CCZ1: variants seen among roughly 807,000 people sequenced by gnomAD.
CCZ1 encodes CCZ1 vacuolar protein trafficking and biogenesis associated.
CCZ1 carries 19 observed loss-of-function variants against 57.8 expected under a neutral mutation model. The observed-to-expected ratio is 0.33, with a 90% CI of 0.23 to 0.48. The LOEUF is 0.48. Among genes scored for constraint, CCZ1 ranks in the 20% least tolerant of loss-of-function variants. The probability of loss-of-function intolerance (pLI) is 0.99; values close to 1 mark genes in which losing one functional copy is unlikely to be tolerated. For synonymous variants in CCZ1, 81 were observed against 167.0 expected, an observed-to-expected ratio of 0.49 and a Z score of 3.97; for missense variants, 200 against 492.0, an observed-to-expected ratio of 0.41 and a Z score of 5.61.
chr7:5,907,555 G>C (rs1781862501), intron 7 of CCZ1, among the ~76,000 whole-genome samples: 7 of 146,880 alleles, frequency 4.8e-5, no homozygotes, highest in Admixed American at 4.0e-4. Flanking sequence ...GCTTAGAGCA[G>C]AGGGTCTTCC....
chr7:5,904,078 C>T (rs1369199446), intron 6 of CCZ1, among the ~76,000 whole-genome samples: 1 of 125,226 alleles, frequency 8.0e-6, no homozygotes, highest in Non-Finnish European at 1.6e-5. Context: ...AGCATTAAGG[C>T]AGGGAGTTAA....
At chr7:5,909,037 C>A (rs1322150975) in intron 7 of CCZ1, among the ~76,000 whole-genome samples, 5 of 146,110 alleles carry the variant, frequency 3.4e-5, no homozygotes, top group Admixed American at 6.8e-5. Flanking sequence ...TAAAATGAAA[C>A]AGTGTGGCTT....
chr7:5,902,806 TAG>T, intron 6 of CCZ1, 62 bp downstream of exon 6: 1 of 1,554,630 alleles, frequency 6.4e-7, no homozygotes, highest in South Asian at 1.2e-5. Context: ...TAGAGAAATA[TAG>T]ACAGACAAGT....
At chr7:5,905,758 G>A (rs1741599458) in intron 7 of CCZ1, among the ~76,000 whole-genome samples, 1 of 85,298 alleles carries the variant, frequency 1.2e-5, no homozygotes, top group Non-Finnish European at 2.0e-5. Flanking sequence ...CCCCAGCCTG[G>A]CAACAGAGAG....
rs770191244 is a variant in CCZ1, at chr7:5,900,530, C to A, written c.276C>A (p.Phe92Leu). ...KSLHTQKNRQFFNEPEENFWM... is the reference protein window; with the variant it reads ...KSLHTQKNRQLFNEPEENFWM... The stretch of plus-strand genomic sequence containing the variant: ...TACATACACAGAAGAACAGACAGTT[C>A]TTCAATGAACCAGAAGAAAATTTCT... Residue 92 changes from phenylalanine to leucine, a missense_variant, in exon 3 of 15, where the codon TTC becomes TTA. Phe to Leu is a conservative substitution (Grantham distance 22, BLOSUM62 0). Coordinates refer to ENST00000325974, the MANE Select transcript of CCZ1 (RefSeq NM_015622.6). 15 of 1,602,202 alleles carry A rather than the reference C, an allele frequency of 9.4e-6. No homozygotes were observed. The highest frequency in any genetic ancestry group is 1.4e-5 in the African/African-American group (1 of 72,848).
At chr7:5,906,859 AAC>A (rs201814315) in intron 7 of CCZ1, among the ~76,000 whole-genome samples, 2,821 of 150,462 alleles carry the variant, frequency 0.019, 168 homozygotes, top group African/African-American at 0.065. Flanking sequence ...TTTCGGGTGA[AAC>A]CCATCTACTT....
Position 5,920,632 on chromosome 7 carries a change from C to T in CCZ1, c.1106+666C>T, listed in dbSNP as rs543335337. Among the ~76,000 whole-genome samples, 59 of 139,722 alleles carry T rather than the reference C, an allele frequency of 4.2e-4. 1 individual carries two copies. Among genetic ancestry groups the T allele is most frequent in the Admixed American group, 1.8e-3 (25 of 13,864 alleles). The allele number at this position is 139,722 out of a possible 152,430, so 91.7% of individuals were successfully genotyped here. On this transcript the variant is annotated intron_variant, in intron 12 of 14. Coordinates refer to ENST00000325974, the MANE Select transcript of CCZ1 (RefSeq NM_015622.6). ...GATTACAGGCGTGCACCACCATGCC[C>T]GGCTCCTTTTTGTATTTTTAGTAGA...
chr7:5,904,241 C>T (rs1362147055), intron 6 of CCZ1, among the ~76,000 whole-genome samples: 1 of 139,316 alleles, frequency 7.2e-6, no homozygotes, highest in Non-Finnish European at 1.5e-5. Context: ...TACAGGCTAC[C>T]ACGCCCGGCT....
intron 7 of CCZ1, among the ~76,000 whole-genome samples, chr7:5,905,809 AG>A (rs1228227837): frequency 4.8e-5 from 6 of 124,884 alleles, no homozygotes; most frequent in Admixed American, 1.6e-4. Context: ...AAAAAAAAAG[AG>A]AAAATGTTCC....
chr7:5,911,289 C>G (rs550544302), intron 8 of CCZ1, among the ~76,000 whole-genome samples: 1 of 148,888 alleles, frequency 6.7e-6, no homozygotes, highest in African/African-American at 2.5e-5. Flanking sequence ...CTCAGTTGAA[C>G]TCACTCTCTT....
intron 6 of CCZ1, among the ~76,000 whole-genome samples, chr7:5,903,649 G>T: frequency 7.1e-6 from 1 of 141,834 alleles, no homozygotes. Context: ...TCAACATATG[G>T]ATAGAACTGT....
chr7:5,899,329 A>AG (rs879316596), intron 1 of CCZ1, among the ~76,000 whole-genome samples: 4 of 62,944 alleles, frequency 6.4e-5, no homozygotes, highest in East Asian at 5.5e-4. Context: ...TAATTTCGGG[A>AG]GGGGGGTGTG....
chr7:5,922,807 A>ATTAAC, intron 12 of CCZ1, among the ~76,000 whole-genome samples: 1 of 146,148 alleles, frequency 6.8e-6, no homozygotes, highest in Non-Finnish European at 1.5e-5. Context: ...TCCACGGGAC[A>ATTAAC]CTCATTCCCC....
intron 7 of CCZ1, among the ~76,000 whole-genome samples, chr7:5,908,242 A>T: frequency 7.1e-6 from 1 of 140,890 alleles, no homozygotes; most frequent in Non-Finnish European, 1.5e-5. Context: ...AGGCAGAAGG[A>T]TCGCTTGAGC....
At chr7:5,906,379 G>A (rs1781823308) in intron 7 of CCZ1, among the ~76,000 whole-genome samples, 1 of 140,640 alleles carries the variant, frequency 7.1e-6, no homozygotes, top group Non-Finnish European at 1.5e-5. Context: ...CTGGAGTACA[G>A]TGGCGCGATC....
chr7:5,910,127 T>A lies in CCZ1; in HGVS notation c.780+11T>A, dbSNP rs1583186430. The A allele has an allele frequency of 6.3e-7, 1 of 1,585,222 alleles. No homozygotes were observed. Among genetic ancestry groups the A allele is most frequent in the Middle Eastern group, 1.7e-4 (1 of 5,996 alleles). On this transcript the variant is annotated intron_variant, in intron 8 of 14. Coordinates refer to ENST00000325974, the MANE Select transcript of CCZ1 (RefSeq NM_015622.6). ...CACATCGAACCTGAGGTATGATGGG[T>A]ACCATAGCTGCGCACAATTACATGC... is the stretch of plus-strand genomic sequence containing the variant.
In CCZ1 at chr7:5,926,178, TGGGGG is replaced by T; in HGVS notation, c.*494_*498del. 1 of 454,754 alleles carries T rather than the reference TGGGGG, an allele frequency of 2.2e-6. No homozygotes were observed. Among genetic ancestry groups the T allele is most frequent in the Non-Finnish European group, 4.1e-6 (1 of 246,626 alleles). 28.2% of individuals were successfully genotyped at this position (454,754 alleles called of 1,614,324 possible). On this transcript the variant is annotated 3_prime_UTR_variant, in exon 15 of 15. Coordinates refer to ENST00000325974, the MANE Select transcript of CCZ1 (RefSeq NM_015622.6). ...GGCTGATGTTTTAATTTTGCAGAGA[TGGGGG>T]GGTCTCACTATGTTGCCCAGGCTGG...
rs1480210727 is a variant in CCZ1, at chr7:5,903,948, C to G, written c.523-1146C>G. Among the ~76,000 whole-genome samples the G allele has an allele frequency of 1.4e-5, 2 of 140,248 alleles. 1 individual carries two copies. The highest frequency in any genetic ancestry group is 5.2e-4 in the East Asian group (2 of 3,882). The allele number at this position is 140,248 out of a possible 152,430, so 92.0% of individuals were successfully genotyped here. ...AGGCGAGGTTGCAGTGAGCCGAGAT[C>G]ACACCGCTGCACTCCAGCCTGGGTG... On this transcript the variant is annotated intron_variant, in intron 6 of 14. Coordinates refer to ENST00000325974, the MANE Select transcript of CCZ1 (RefSeq NM_015622.6).
intron 6 of CCZ1, among the ~76,000 whole-genome samples, chr7:5,904,524 A>G (rs1409772786): frequency 6.9e-6 from 1 of 145,120 alleles, no homozygotes; most frequent in Non-Finnish European, 1.5e-5. Flanking sequence ...GACTCTGTCT[A>G]TACCAAAAAA....
Sources: allele counts gnomAD v4.1 joint callset (sites outside exome capture counted in the v4.1 genomes callset), GRCh38; gene constraint gnomAD v4.1.1; transcripts MANE v1.5; gene names NCBI Gene and HGNC (gene_info 2026-07-23, HGNC 2026-07-21).